The following ATP1B3 variants were observed in gnomAD, a reference collection of about 807,000 sequenced individuals.
The protein encoded by ATP1B3 is ATPase Na+/K+ transporting subunit beta 3, also known as sodium/potassium-transporting ATPase subunit beta-3.
ATP1B3 carries 10 observed loss-of-function variants against 30.2 expected under a neutral mutation model. The ratio of observed to expected loss-of-function variants is 0.33; its 90% confidence interval spans 0.20 to 0.56. The LOEUF (loss-of-function observed/expected upper bound fraction) is 0.56, where lower values mean the gene tolerates loss of function less well. ATP1B3 is among the 20% of genes least tolerant of loss of function. The pLI, the probability that ATP1B3 is intolerant of heterozygous loss-of-function variation, is 0.90. For missense variants in ATP1B3, 238 were observed against 336.7 expected, an observed-to-expected ratio of 0.71 and a Z score of 2.29; for synonymous variants, 113 against 117.0, an observed-to-expected ratio of 0.97 and a Z score of 0.22.
In ATP1B3 at chr3:141,926,527, C is replaced by T. The variant is rs774919522; in HGVS notation, c.*826C>T. On this transcript the variant is annotated 3_prime_UTR_variant, in exon 7 of 7. Transcript: ENST00000286371. Reference sequence around the variant, plus strand: ...AATTGTGAAATATAAAAACTTGGAACTTATTCAAAGCTTCAAAGCAAACAA... The same window carrying T: ...AATTGTGAAATATAAAAACTTGGAATTTATTCAAAGCTTCAAAGCAAACAA... 5.9e-5 allele frequency: 9 copies of T among 152,090 alleles called. No individual in the cohort carries two copies. The highest frequency in any genetic ancestry group is 1.3e-4 in the Non-Finnish European group (9 of 68,008). 9.4% of individuals were successfully genotyped at this position (152,090 alleles called of 1,614,324 possible).
At chr3:141,904,512 A>G (rs193285419) in intron 2 of ATP1B3, among the ~76,000 whole-genome samples, 104 of 152,098 alleles carry the variant, frequency 6.8e-4, no homozygotes, top group African/African-American at 2.4e-3. Context: ...CTAAATGGTT[A>G]GTTATGAAAT....
intron 5 of ATP1B3, chr3:141,916,273 A>G (rs1013218975): frequency 3.0e-5 from 15 of 507,940 alleles, no homozygotes; most frequent in Admixed American, 9.5e-5. Flanking sequence ...CAATTCTAAG[A>G]TTCACTTTTT....
At chr3:141,893,779 C>CT (rs1254870451) in intron 1 of ATP1B3, among the ~76,000 whole-genome samples, 1 of 152,168 alleles carries the variant, frequency 6.6e-6, no homozygotes, top group Non-Finnish European at 1.5e-5. Context: ...CCTCTTGGCA[C>CT]TTTGTAACCC....
chr3:141,881,530 C>A lies in ATP1B3; in HGVS notation c.109+4620C>A, dbSNP rs1295857753. On this transcript the variant is annotated intron_variant, in intron 1 of 6. Transcript: ENST00000286371. ...TCAGGCTTCATCCCATCTGGGGCAT[C>A]TGACAGTAGGGGAGAAGGCAGATGT... 1.1e-4 allele frequency among the ~76,000 whole-genome samples: 16 copies of A among 152,332 alleles called. No homozygotes were observed. The East Asian group carries it at 3.1e-3, about 29-fold the overall frequency.
chr3:141,876,675 T>A lies in ATP1B3; in HGVS notation c.-127T>A. On this transcript the variant is annotated 5_prime_UTR_variant, in exon 1 of 7. Transcript: ENST00000286371. Reference sequence around the variant, plus strand: ...TCGAGTACTCCCCGTAACGAGGAGGTGTTCTCGGCCGTCCCACCCTTCACT... The same window carrying A: ...TCGAGTACTCCCCGTAACGAGGAGGAGTTCTCGGCCGTCCCACCCTTCACT... The A allele has an allele frequency of 1.7e-6, 1 of 587,324 alleles. No homozygotes were observed. Among genetic ancestry groups the A allele is most frequent in the South Asian group, 2.0e-5 (1 of 49,118 alleles). 36.4% of individuals were successfully genotyped at this position (587,324 alleles called of 1,614,324 possible).
intron 1 of ATP1B3, among the ~76,000 whole-genome samples, chr3:141,880,714 T>A (rs1559863594): frequency 6.6e-6 from 1 of 152,210 alleles, no homozygotes; most frequent in Non-Finnish European, 1.5e-5. Context: ...TTTGCATATA[T>A]AGATACCCCA....
At chr3:141,879,095 C>A (rs1189346979) in intron 1 of ATP1B3, among the ~76,000 whole-genome samples, 1 of 152,178 alleles carries the variant, frequency 6.6e-6, no homozygotes, top group Non-Finnish European at 1.5e-5. Context: ...CAGATGTCAT[C>A]ATACCTCAGA....
At chr3:141,894,485 C>CTTT (rs1325610388) in intron 1 of ATP1B3, among the ~76,000 whole-genome samples, 1 of 152,142 alleles carries the variant, frequency 6.6e-6, no homozygotes, top group African/African-American at 2.4e-5. Context: ...TAACACTTAG[C>CTTT]TTTTAAAGCA....
At chr3:141,877,317 G>A (rs1050594868) in intron 1 of ATP1B3, among the ~76,000 whole-genome samples, 1 of 152,008 alleles carries the variant, frequency 6.6e-6, no homozygotes, top group Non-Finnish European at 1.5e-5. Context: ...GGCCCTGGCG[G>A]AGGCGCCCGG....
chr3:141,918,962 A>G (rs931848007), intron 5 of ATP1B3: 2 of 152,188 alleles, frequency 1.3e-5, no homozygotes, highest in African/African-American at 4.8e-5. Context: ...TTGTTTTTAG[A>G]AAAGCACAAA....
chr3:141,876,826 C>G lies in ATP1B3; in HGVS notation c.25C>G (p.Leu9Val), dbSNP rs367864943. MTKNEKKSLNQSLAEWKLF... is the reference protein window; with the variant it reads MTKNEKKSVNQSLAEWKLF... ...CATGACGAAGAACGAGAAGAAGTCC[C>G]TCAACCAGAGCCTGGCCGAGTGGAA... is the stretch of plus-strand genomic sequence containing the variant. The change falls in exon 1 of 7, where the codon CTC becomes GTC. Residue 9 changes from leucine (L) to valine (V), a missense_variant. Around this residue, in one of 3 missense-constraint regions of ATP1B3, gnomAD observed 130 missense variants for 148.8 expected, o/e 0.87. Transcript: ENST00000286371. The G allele has an allele frequency of 2.1e-5, 33 of 1,588,992 alleles. No homozygotes were observed. The highest frequency in any genetic ancestry group is 2.8e-5 in the African/African-American group (2 of 71,978).
intron 2 of ATP1B3, among the ~76,000 whole-genome samples, chr3:141,904,549 CAT>C (rs1402159501): frequency 6.6e-6 from 1 of 151,842 alleles, no homozygotes; most frequent in Non-Finnish European, 1.5e-5. Flanking sequence ...AATGATACCT[CAT>C]AGAGAACAAA....
intron 4 of ATP1B3, 133 bp downstream of exon 4, chr3:141,913,969 T>A: frequency 2.4e-6 from 2 of 825,002 alleles, no homozygotes; most frequent in Non-Finnish European, 3.7e-6. Flanking sequence ...TAGCTTGCTT[T>A]AAAGACTAGC....
intron 1 of ATP1B3, among the ~76,000 whole-genome samples, chr3:141,878,580 A>T (rs1263507403): frequency 6.6e-6 from 1 of 152,110 alleles, no homozygotes; most frequent in Non-Finnish European, 1.5e-5. Context: ...GTGCTCTTCA[A>T]CCTTTGTATT....
intron 1 of ATP1B3, among the ~76,000 whole-genome samples, chr3:141,885,270 T>C (rs1933806129): frequency 6.6e-6 from 1 of 152,130 alleles, no homozygotes; most frequent in South Asian, 2.1e-4. Context: ...CTTTGACTTG[T>C]TTACCATTTT....
At chr3:141,906,247 T>C (rs894187912) in intron 2 of ATP1B3, among the ~76,000 whole-genome samples, 1 of 152,018 alleles carries the variant, frequency 6.6e-6, no homozygotes, top group African/African-American at 2.4e-5. Context: ...TGGCACGATC[T>C]CGGCTCACTG....
intron 1 of ATP1B3, among the ~76,000 whole-genome samples, chr3:141,890,787 G>A (rs1933936986): frequency 6.6e-6 from 1 of 151,924 alleles, no homozygotes; most frequent in Non-Finnish European, 1.5e-5. Flanking sequence ...TGCCCAGGCT[G>A]GTCTCAAACT....
At chr3:141,885,880 AACACACACACACACACACACACAC>A (rs146684460) in intron 1 of ATP1B3, among the ~76,000 whole-genome samples, 2 of 141,744 alleles carry the variant, frequency 1.4e-5, no homozygotes, top group South Asian at 2.3e-4. Context: ...GCTGCGTTAA[AACACACACACACACACACACACAC>A]ACACACACAC....
At chr3:141,900,895 A>C (rs1020359396) in intron 1 of ATP1B3, among the ~76,000 whole-genome samples, 4 of 152,040 alleles carry the variant, frequency 2.6e-5, no homozygotes, top group Admixed American at 1.3e-4. Flanking sequence ...CAATTCTCCC[A>C]TCTCAGCCTC....
Sources: gnomAD v4.1 joint callset for allele counts (sites outside exome capture counted in the v4.1 genomes callset) on GRCh38, gnomAD v4.1.1 for gene constraint, gnomAD v4.1.1 regional missense constraint, MANE v1.5 for transcripts, NCBI Gene and HGNC (gene_info 2026-07-23, HGNC 2026-07-21) for gene names.